C12orf54: variants seen among roughly 807,000 people sequenced by gnomAD.
The protein encoded by C12orf54 is uncharacterized protein C12orf54.
C12orf54 carries 24 observed loss-of-function variants against 26.4 expected under a neutral mutation model. That is an observed-to-expected ratio of 0.91 (90% CI 0.66 to 1.28). The LOEUF (loss-of-function observed/expected upper bound fraction) is 1.28. Ranked by LOEUF, C12orf54 falls within the 50% of genes most tolerant of loss-of-function variation. C12orf54 has a pLI of 0.00. For synonymous variants in C12orf54, 54 were observed against 47.0 expected (o/e 1.15, Z -0.61); for missense variants, 154 against 150.9 (o/e 1.02, Z -0.11).
chr12:48,444,450 G>A, the C12orf54 span, among the ~76,000 whole-genome samples: 3 of 152,172 alleles, frequency 2.0e-5, no homozygotes. Flanking sequence ...AACTTAAATC[G>A]TGGGGGGAAT....
chr12:48,443,970 G>T, the C12orf54 span, among the ~76,000 whole-genome samples: 2 of 152,160 alleles, frequency 1.3e-5, no homozygotes, highest in Non-Finnish European at 2.9e-5. Context: ...CATACTACCT[G>T]CATTTCTTAC....
At chr12:48,430,817 C>T in the C12orf54 span, among the ~76,000 whole-genome samples, 3 of 152,106 alleles carry the variant, frequency 2.0e-5, no homozygotes, top group African/African-American at 7.2e-5. Context: ...AGAGGAAAAT[C>T]AATCATTACA....
chr12:48,432,622 C>T, the C12orf54 span, among the ~76,000 whole-genome samples: 1 of 152,166 alleles, frequency 6.6e-6, no homozygotes, highest in Non-Finnish European at 1.5e-5. Context: ...GTAATCCCAG[C>T]ACTTTGGAAG....
At chr12:48,489,310 A>G in intron 5 of C12orf54, 1 of 402,764 alleles carries the variant, frequency 2.5e-6, no homozygotes, top group East Asian at 5.9e-5. Context: ...TATGTCTGTT[A>G]ACTGCAGGGA....
chr12:48,430,806 C>T, the C12orf54 span, among the ~76,000 whole-genome samples: 1 of 152,200 alleles, frequency 6.6e-6, no homozygotes, highest in Admixed American at 6.5e-5. Context: ...AGTATCTACC[C>T]AGAGGAAAAT....
At chr12:48,494,234 T>C (rs1937862514) in intron 7 of C12orf54, among the ~76,000 whole-genome samples, 1 of 151,860 alleles carries the variant, frequency 6.6e-6, no homozygotes, top group African/African-American at 2.4e-5. Flanking sequence ...AAAAAATTAA[T>C]TTGACATGCT....
intron 2 of C12orf54, 64 bp from the exon 3 acceptor site, chr12:48,486,114 T>A: frequency 6.8e-7 from 1 of 1,460,882 alleles, no homozygotes; most frequent in South Asian, 1.2e-5. Flanking sequence ...AGAATAGAGT[T>A]AGGAGAAGGC....
At chr12:48,430,014 A>G in the C12orf54 span, among the ~76,000 whole-genome samples, 3 of 152,156 alleles carry the variant, frequency 2.0e-5, no homozygotes, top group Non-Finnish European at 4.4e-5. Flanking sequence ...AAACCCAAAT[A>G]CCTACAGCCA....
the C12orf54 span, among the ~76,000 whole-genome samples, chr12:48,435,507 G>T: frequency 1.3e-5 from 2 of 152,216 alleles, no homozygotes; most frequent in Non-Finnish European, 2.9e-5. Flanking sequence ...AGAGCAGCCA[G>T]AGAGAAAGGT....
the C12orf54 span, among the ~76,000 whole-genome samples, chr12:48,422,978 A>G: frequency 2.0e-5 from 3 of 152,174 alleles, no homozygotes; most frequent in African/African-American, 4.8e-5. Flanking sequence ...ATAAAATAAT[A>G]AAGCCAGACA....
At chr12:48,476,796 G>A in the C12orf54 span, among the ~76,000 whole-genome samples, 2 of 152,130 alleles carry the variant, frequency 1.3e-5, no homozygotes, top group Non-Finnish European at 2.9e-5. Context: ...CAATAATAAT[G>A]GGAGATGGTA....
the C12orf54 span, among the ~76,000 whole-genome samples, chr12:48,445,911 G>A: frequency 1.3e-5 from 2 of 152,182 alleles, no homozygotes; most frequent in Admixed American, 6.5e-5. Flanking sequence ...TATTGAGAGA[G>A]TGGGGAGGGT....
rs190481358 is a variant in C12orf54, at chr12:48,494,387, C to T, written c.243-411C>T. On this transcript the variant is annotated intron_variant, in intron 7 of 8. Coordinates refer to ENST00000548364, the MANE Select transcript of C12orf54 (RefSeq NM_152319.4). ...AGATGGATTCTTATGCTTTAACTTGCTCAGTGCTGAAACCATGGAAGGAAT... is the reference window on the plus strand; with the variant it reads ...AGATGGATTCTTATGCTTTAACTTGTTCAGTGCTGAAACCATGGAAGGAAT... 2.3e-3 allele frequency among the ~76,000 whole-genome samples: 348 copies of T among 152,164 alleles called. 1 individual carries two copies. Among genetic ancestry groups the T allele is most frequent in the African/African-American group, 7.8e-3 (323 of 41,530 alleles).
the C12orf54 span, among the ~76,000 whole-genome samples, chr12:48,471,358 T>C: frequency 6.6e-6 from 1 of 152,182 alleles, no homozygotes; most frequent in Non-Finnish European, 1.5e-5. Context: ...GATGGACATT[T>C]AGGTTGCTTC....
chr12:48,430,186 G>A, the C12orf54 span, among the ~76,000 whole-genome samples: 24 of 152,258 alleles, frequency 1.6e-4, no homozygotes, highest in East Asian at 4.6e-3. Context: ...CCTAAGGCAT[G>A]AAACTATGAA....
the C12orf54 span, among the ~76,000 whole-genome samples, chr12:48,431,462 G>A: frequency 2.6e-5 from 4 of 151,968 alleles, no homozygotes; most frequent in East Asian, 7.7e-4. Context: ...AAAATTATAA[G>A]AGAATATTAT....
At chr12:48,486,758 G>A in intron 4 of C12orf54, 32 bp downstream of exon 4, 2 of 1,598,178 alleles carry the variant, frequency 1.3e-6, no homozygotes, top group Non-Finnish European at 1.7e-6. Flanking sequence ...TTGACAGCAT[G>A]GCATGAGGTG....
chr12:48,486,292 G>A, intron 3 of C12orf54, 84 bp downstream of exon 3: 3 of 1,404,674 alleles, frequency 2.1e-6, no homozygotes, highest in African/African-American at 1.4e-5. Flanking sequence ...GTAGACAGGA[G>A]GCCAAAAAAA....
At chr12:48,466,999 C>T in the C12orf54 span, among the ~76,000 whole-genome samples, 2 of 152,014 alleles carry the variant, frequency 1.3e-5, no homozygotes, top group Non-Finnish European at 2.9e-5. Flanking sequence ...GAACGGTACC[C>T]CTCCCCAACA....
Sources: allele counts gnomAD v4.1 joint callset (sites outside exome capture counted in the v4.1 genomes callset), GRCh38; gene constraint gnomAD v4.1.1; transcripts MANE v1.5; gene names NCBI Gene and HGNC (gene_info 2026-07-23, HGNC 2026-07-21).